Variants in DCC observed in about 807,000 individuals in gnomAD.
DCC encodes the protein netrin receptor DCC.
Under a neutral mutation model 172.5 loss-of-function variants are expected in DCC, and 58 were observed. The observed-to-expected ratio is 0.34, with a 90% CI of 0.27 to 0.42. DCC has a LOEUF of 0.42. DCC is among the 10% of genes least tolerant of loss of function. The pLI, the probability that DCC is intolerant of heterozygous loss-of-function variation, is 1.00. For missense variants in DCC, 1,740 were observed against 1,791.0 expected (o/e 0.97, Z 0.51); for synonymous variants, 709 against 644.5 (o/e 1.10, Z -1.52).
At chr18:52,956,016 CT>C (rs2040736535) in intron 5 of DCC, among the ~76,000 whole-genome samples, 1 of 151,300 alleles carries the variant, frequency 6.6e-6, no homozygotes, top group Admixed American at 6.6e-5. Flanking sequence ...CAGTCAGTGA[CT>C]TGTCTTATTC....
chr18:53,215,804 C>T (rs1271940282), intron 12 of DCC, among the ~76,000 whole-genome samples: 1 of 152,120 alleles, frequency 6.6e-6, no homozygotes, highest in Non-Finnish European at 1.5e-5. Flanking sequence ...TACTTCTAAA[C>T]AAATATTTTG....
chr18:53,124,292 A>G (rs2043523767), intron 7 of DCC, among the ~76,000 whole-genome samples: 1 of 152,144 alleles, frequency 6.6e-6, no homozygotes, highest in Admixed American at 6.6e-5. Flanking sequence ...TAACAAAACC[A>G]TAATTTGTAA....
chr18:53,050,089 A>G (rs1010490335), intron 5 of DCC, among the ~76,000 whole-genome samples: 2 of 152,096 alleles, frequency 1.3e-5, no homozygotes, highest in Non-Finnish European at 2.9e-5. Context: ...CAAGGGCAGG[A>G]AGCATCCAGC....
intron 2 of DCC, among the ~76,000 whole-genome samples, chr18:52,756,075 A>G (rs898768096): frequency 1.3e-5 from 2 of 152,228 alleles, no homozygotes; most frequent in South Asian, 2.1e-4. Flanking sequence ...TTTGAGTTCT[A>G]TCAGTAAAGA....
chr18:53,135,716 CAG>C (rs1364134034), intron 7 of DCC, among the ~76,000 whole-genome samples: 1 of 152,096 alleles, frequency 6.6e-6, no homozygotes, highest in Non-Finnish European at 1.5e-5. Context: ...GGGGAAGAAA[CAG>C]TGTTCAGCAA....
In DCC at chr18:53,463,738, C is replaced by A. The variant is rs570899900; in HGVS notation, c.3620-4156C>A. Among the ~76,000 whole-genome samples, 14 of 152,168 alleles carry A rather than the reference C, an allele frequency of 9.2e-5. No homozygotes were observed. In the East Asian group the frequency reaches 1.7e-3, roughly 19 times the overall value. ...CAGCCAGGACCAAAAAAATCTGACCCCAAATTAATGTTTTGTTGATCCAGT... is the reference window on the plus strand; with the variant it reads ...CAGCCAGGACCAAAAAAATCTGACCACAAATTAATGTTTTGTTGATCCAGT... On this transcript the variant is annotated intron_variant, in intron 24 of 28. Transcript: ENST00000442544.
chr18:53,021,996 T>A (rs79928427), intron 5 of DCC, among the ~76,000 whole-genome samples: 2,669 of 152,308 alleles, frequency 0.018, 31 homozygotes, highest in Non-Finnish European at 0.03. Context: ...GCAATTAAAA[T>A]GTTGGGAAAG....
At chr18:53,266,448 A>G (rs1298781138) in intron 12 of DCC, among the ~76,000 whole-genome samples, 2 of 152,300 alleles carry the variant, frequency 1.3e-5, no homozygotes, top group Non-Finnish European at 2.9e-5. Context: ...ATGAGAGTTC[A>G]AGGTGAAGTA....
At chr18:52,856,055 G>A (rs950067131) in intron 2 of DCC, among the ~76,000 whole-genome samples, 7 of 151,706 alleles carry the variant, frequency 4.6e-5, no homozygotes, top group Non-Finnish European at 8.8e-5. Flanking sequence ...GTGAGCCACC[G>A]CGCCCCGCCA....
chr18:53,523,579 T>TA (rs767052640), intron 27 of DCC, among the ~76,000 whole-genome samples: 127 of 151,958 alleles, frequency 8.4e-4, no homozygotes, highest in Non-Finnish European at 1.6e-3. Context: ...AATGCAGCCA[T>TA]AAAAAAGGAT....
intron 1 of DCC, among the ~76,000 whole-genome samples, chr18:52,596,865 G>A (rs2033919248): frequency 3.3e-5 from 5 of 152,166 alleles, no homozygotes; most frequent in Admixed American, 2.6e-4. Context: ...CCTGGCTTAA[G>A]TTTGAATGCC....
intron 1 of DCC, among the ~76,000 whole-genome samples, chr18:52,562,946 A>C (rs1248835539): frequency 6.6e-6 from 1 of 152,080 alleles, no homozygotes; most frequent in African/African-American, 2.4e-5. Context: ...ATTTTATTGA[A>C]ACAACAGCAG....
chr18:52,810,885 C>A (rs1280885431), intron 2 of DCC, among the ~76,000 whole-genome samples: 1 of 152,140 alleles, frequency 6.6e-6, no homozygotes, highest in Non-Finnish European at 1.5e-5. Flanking sequence ...GGGCCCACCC[C>A]AGTCTGCCTA....
intron 5 of DCC, among the ~76,000 whole-genome samples, chr18:53,027,804 T>C (rs1444342271): frequency 6.6e-6 from 1 of 152,140 alleles, no homozygotes; most frequent in East Asian, 1.9e-4. Context: ...CGTATAGTTT[T>C]GACGCACGTC....
chr18:52,768,693 T>C (rs1473055968), intron 2 of DCC, among the ~76,000 whole-genome samples: 1 of 152,200 alleles, frequency 6.6e-6, no homozygotes, highest in African/African-American at 2.4e-5. Context: ...TCTTTGCATG[T>C]GTTTGTGTGC....
chr18:52,743,108 A>G (rs994637294), intron 1 of DCC, among the ~76,000 whole-genome samples: 1 of 152,210 alleles, frequency 6.6e-6, no homozygotes, highest in African/African-American at 2.4e-5. Flanking sequence ...GTCACTTCAC[A>G]ATAAATGGCA....
At chr18:53,442,099 T>C (rs1029624439) in intron 22 of DCC, among the ~76,000 whole-genome samples, 31 of 152,244 alleles carry the variant, frequency 2.0e-4, no homozygotes, top group African/African-American at 7.5e-4. Context: ...CTCATTGTTA[T>C]ACCTCTCTAC....
intron 12 of DCC, among the ~76,000 whole-genome samples, chr18:53,260,220 G>A (rs907064427): frequency 8.6e-5 from 13 of 151,956 alleles, no homozygotes; most frequent in African/African-American, 1.5e-4. Context: ...GTCATTCTCC[G>A]TCCAGCTTTG....
intron 21 of DCC, chr18:53,416,457 C>T (rs1398874868): frequency 1.9e-6 from 1 of 533,696 alleles, no homozygotes. Flanking sequence ...GAATAATTCA[C>T]ATTAAGTATA....
Sources: gnomAD v4.1 joint callset for allele counts (sites outside exome capture counted in the v4.1 genomes callset) on GRCh38, gnomAD v4.1.1 for gene constraint, MANE v1.5 for transcripts, NCBI Gene and HGNC (gene_info 2026-07-23, HGNC 2026-07-21) for gene names.